Variants in EDIL3 observed in about 807,000 individuals in gnomAD.
EDIL3 encodes the protein EGF like and discoidin domains 3.
EDIL3 carries 37 observed loss-of-function variants against 67.4 expected under a neutral mutation model. The ratio of observed to expected loss-of-function variants is 0.55; its 90% CI spans 0.42 to 0.72. The LOEUF is 0.72. Ranked by LOEUF, EDIL3 falls within the 30% of genes least tolerant of loss-of-function variation. EDIL3 has a pLI of 0.00. For missense variants in EDIL3, 527 were observed against 586.3 expected, an observed-to-expected ratio of 0.90 and a Z score of 1.04; for synonymous variants, 195 against 196.3, an observed-to-expected ratio of 0.99 and a Z score of 0.05.
intron 5 of EDIL3, among the ~76,000 whole-genome samples, chr5:84,111,428 A>G (rs1747562840): frequency 6.6e-6 from 1 of 152,130 alleles, no homozygotes; most frequent in African/African-American, 2.4e-5. Context: ...TTATTAATTT[A>G]TTGACCTCTA....
chr5:84,024,568 A>T (rs566140884), intron 9 of EDIL3, among the ~76,000 whole-genome samples: 1 of 152,294 alleles, frequency 6.6e-6, no homozygotes, highest in African/African-American at 2.4e-5. Context: ...TAAGGCAGGC[A>T]GCGTGGTAAA....
chr5:84,141,768 ATGT>A (rs1393175208), intron 4 of EDIL3, among the ~76,000 whole-genome samples: 2 of 149,268 alleles, frequency 1.3e-5, no homozygotes, highest in Non-Finnish European at 3.0e-5. Context: ...CTTTATCGGT[ATGT>A]CATACATAAC....
chr5:84,071,053 A>T (rs1186527854), intron 6 of EDIL3, among the ~76,000 whole-genome samples: 6 of 152,190 alleles, frequency 3.9e-5, no homozygotes, highest in Admixed American at 3.3e-4. Flanking sequence ...AGGCTTAGAC[A>T]GGAGTCTGCA....
chr5:84,098,902 C>T (rs984420684), intron 6 of EDIL3, among the ~76,000 whole-genome samples: 6 of 152,042 alleles, frequency 3.9e-5, no homozygotes, highest in Admixed American at 1.3e-4. Context: ...CAAAAAGTAA[C>T]AAACTCAGAG....
intron 6 of EDIL3, among the ~76,000 whole-genome samples, chr5:84,087,674 C>T (rs1007174529): frequency 1.3e-5 from 2 of 152,148 alleles, no homozygotes; most frequent in Non-Finnish European, 2.9e-5. Context: ...GTATTCCTGC[C>T]CTCATGCAGC....
chr5:84,005,396 C>G (rs1279459609), intron 9 of EDIL3, among the ~76,000 whole-genome samples: 3 of 152,128 alleles, frequency 2.0e-5, no homozygotes, highest in Non-Finnish European at 4.4e-5. Context: ...AGGTCAATAT[C>G]CCTGACGAAC....
chr5:84,257,212 T>C (rs1745138192), intron 1 of EDIL3, among the ~76,000 whole-genome samples: 1 of 152,156 alleles, frequency 6.6e-6, no homozygotes, highest in Admixed American at 6.6e-5. Context: ...GCCCCTCTGC[T>C]GCCCTCTCTA....
At chr5:84,090,629 A>G (rs1439763131) in intron 6 of EDIL3, among the ~76,000 whole-genome samples, 1 of 152,064 alleles carries the variant, frequency 6.6e-6, no homozygotes, top group Non-Finnish European at 1.5e-5. Flanking sequence ...CAGGCTAGAG[A>G]TGAATGAACT....
chr5:84,063,810 C>A (rs963615770), intron 8 of EDIL3, among the ~76,000 whole-genome samples: 1 of 152,070 alleles, frequency 6.6e-6, no homozygotes, highest in Non-Finnish European at 1.5e-5. Context: ...CACTAAAAAG[C>A]GGAGCACACA....
intron 10 of EDIL3, among the ~76,000 whole-genome samples, chr5:83,953,419 T>C (rs1744453720): frequency 6.6e-6 from 1 of 151,744 alleles, no homozygotes; most frequent in Admixed American, 6.6e-5. Flanking sequence ...ATGCTTGATC[T>C]CAGAAGAGAA....
intron 10 of EDIL3, among the ~76,000 whole-genome samples, chr5:83,943,941 G>A (rs2112109733): frequency 6.6e-6 from 1 of 152,146 alleles, no homozygotes; most frequent in South Asian, 2.1e-4. Flanking sequence ...CAAGCTGCTT[G>A]CAAAGTACAG....
intron 1 of EDIL3, among the ~76,000 whole-genome samples, chr5:84,315,985 C>T (rs1486883668): frequency 6.6e-6 from 1 of 152,182 alleles, no homozygotes; most frequent in East Asian, 1.9e-4. Context: ...AATTTTCAAC[C>T]CAGAATTTCA....
intron 9 of EDIL3, among the ~76,000 whole-genome samples, chr5:84,010,085 C>A (rs1187899368): frequency 6.6e-6 from 1 of 152,208 alleles, no homozygotes; most frequent in Non-Finnish European, 1.5e-5. Context: ...CAGATGCCAA[C>A]ATTCGTGCCT....
intron 5 of EDIL3, among the ~76,000 whole-genome samples, chr5:84,113,149 G>A (rs1171401779): frequency 6.6e-6 from 1 of 152,112 alleles, no homozygotes; most frequent in Non-Finnish European, 1.5e-5. Flanking sequence ...TCTAGAGAGG[G>A]CATAGTGGCA....
intron 1 of EDIL3, among the ~76,000 whole-genome samples, chr5:84,335,409 A>T (rs1580085158): frequency 6.6e-6 from 1 of 152,232 alleles, no homozygotes; most frequent in South Asian, 2.1e-4. Flanking sequence ...GCATTACCAT[A>T]TCCTCCATTT....
chr5:84,309,538 C>G (rs1746343433), intron 1 of EDIL3, among the ~76,000 whole-genome samples: 1 of 151,548 alleles, frequency 6.6e-6, no homozygotes, highest in Admixed American at 6.6e-5. Context: ...GTTCTCCTTC[C>G]TGTGTCCATG....
chr5:84,070,143 G>A (rs1284820090), intron 6 of EDIL3, among the ~76,000 whole-genome samples: 1 of 152,134 alleles, frequency 6.6e-6, no homozygotes, highest in East Asian at 1.9e-4. Flanking sequence ...CTCACTGAGA[G>A]CTGCTTCCAC....
intron 9 of EDIL3, among the ~76,000 whole-genome samples, chr5:83,970,982 C>T (rs1165447808): frequency 1.3e-5 from 2 of 151,000 alleles, no homozygotes; most frequent in African/African-American, 4.9e-5. Flanking sequence ...TTCTAGAAGG[C>T]CAGTTGTCCA....
intron 1 of EDIL3, among the ~76,000 whole-genome samples, chr5:84,270,040 A>G (rs1745430931): frequency 6.6e-6 from 1 of 152,210 alleles, no homozygotes; most frequent in Admixed American, 6.5e-5. Context: ...ATCTAGAAGG[A>G]TATGTGCAAA....
Sources: gnomAD v4.1 joint callset for allele counts (sites outside exome capture counted in the v4.1 genomes callset) on GRCh38, gnomAD v4.1.1 for gene constraint, MANE v1.5 for transcripts, NCBI Gene and HGNC (gene_info 2026-07-23, HGNC 2026-07-21) for gene names.